PRKCE: variants seen among roughly 807,000 people sequenced by gnomAD.
PRKCE encodes protein kinase C epsilon type.
In PRKCE, 16 loss-of-function variants were observed where a neutral mutation model predicts 85.4. The observed-to-expected ratio is 0.19, with a 90% CI of 0.13 to 0.28. The LOEUF is 0.28. Ranked by LOEUF, PRKCE falls within the 10% of genes least tolerant of loss-of-function variation. PRKCE has a pLI of 1.00. For synonymous variants in PRKCE, 388 were observed against 371.5 expected, an observed-to-expected ratio of 1.04 and a Z score of -0.51; for missense variants, 573 against 975.2, an observed-to-expected ratio of 0.59 and a Z score of 5.49.
intron 1 of PRKCE, among the ~76,000 whole-genome samples, chr2:45,657,662 G>T (rs1055320572): frequency 2.6e-5 from 4 of 152,174 alleles, no homozygotes; most frequent in Non-Finnish European, 5.9e-5. Flanking sequence ...ATTTGGCAAA[G>T]AATGGGACAC....
At chr2:45,999,852 C>A (rs1207793080) in intron 6 of PRKCE, among the ~76,000 whole-genome samples, 1 of 152,086 alleles carries the variant, frequency 6.6e-6, no homozygotes, top group South Asian at 2.1e-4. Context: ...TCCTGAAGCT[C>A]AGAGATTGTT....
chr2:45,657,406 T>A (rs1296511884), intron 1 of PRKCE, among the ~76,000 whole-genome samples: 1 of 152,094 alleles, frequency 6.6e-6, no homozygotes, highest in Non-Finnish European at 1.5e-5. Context: ...TAAATATACC[T>A]CCCTATAATG....
intron 2 of PRKCE, among the ~76,000 whole-genome samples, chr2:45,849,076 C>T (rs79021606): frequency 0.034 from 5,127 of 152,246 alleles, 227 homozygotes; most frequent in East Asian, 0.14. Context: ...CTAGGAGCAT[C>T]CAAACAAAGG....
intron 1 of PRKCE, among the ~76,000 whole-genome samples, chr2:45,658,077 T>G (rs188338603): frequency 1.5e-3 from 230 of 152,312 alleles, no homozygotes; most frequent in Non-Finnish European, 1.2e-3. Flanking sequence ...CCATTGTCAT[T>G]TAAACACAGT....
intron 1 of PRKCE, among the ~76,000 whole-genome samples, chr2:45,729,624 T>G (rs1285934382): frequency 6.6e-6 from 1 of 152,220 alleles, no homozygotes; most frequent in Non-Finnish European, 1.5e-5. Flanking sequence ...ATGTGCATAC[T>G]CAGGAATACA....
intron 11 of PRKCE, among the ~76,000 whole-genome samples, chr2:46,123,732 T>C (rs916213645): frequency 6.6e-6 from 1 of 152,296 alleles, no homozygotes; most frequent in African/African-American, 2.4e-5. Flanking sequence ...GTGACCGACC[T>C]GCCTCAGCCT....
chr2:45,917,841 G>A (rs1164685793), intron 2 of PRKCE, among the ~76,000 whole-genome samples: 2 of 152,214 alleles, frequency 1.3e-5, no homozygotes, highest in Non-Finnish European at 2.9e-5. Context: ...AAGGCCCGGC[G>A]AGAAATCGAG....
chr2:46,069,566 G>A (rs777138695), intron 10 of PRKCE, among the ~76,000 whole-genome samples: 32 of 152,068 alleles, frequency 2.1e-4, no homozygotes, highest in Non-Finnish European at 4.1e-4. Flanking sequence ...CACTTATCAG[G>A]AAATTCAGGT....
intron 1 of PRKCE, among the ~76,000 whole-genome samples, chr2:45,721,494 G>T (rs1337201142): frequency 6.6e-6 from 1 of 152,186 alleles, no homozygotes; most frequent in Non-Finnish European, 1.5e-5. Context: ...TTTGGTGGAA[G>T]ACATGGGGGT....
At chr2:46,005,720 C>T (rs59427010) in intron 8 of PRKCE, among the ~76,000 whole-genome samples, 280 of 152,078 alleles carry the variant, frequency 1.8e-3, no homozygotes, top group South Asian at 1.0e-2. Flanking sequence ...GGGTCATGCA[C>T]CAGCCCTGAG....
chr2:45,916,135 C>G (rs1311133621), intron 2 of PRKCE, among the ~76,000 whole-genome samples: 1 of 151,852 alleles, frequency 6.6e-6, no homozygotes, highest in East Asian at 1.9e-4. Flanking sequence ...TCATGTTAGT[C>G]TTTTCTATCT....
At chr2:45,720,276 G>A (rs1385257635) in intron 1 of PRKCE, among the ~76,000 whole-genome samples, 2 of 152,152 alleles carry the variant, frequency 1.3e-5, no homozygotes, top group African/African-American at 4.8e-5. Context: ...GAGATAAAGT[G>A]AAGTGAGTGC....
At chr2:45,698,418 G>A (rs1444211781) in intron 1 of PRKCE, among the ~76,000 whole-genome samples, 1 of 152,128 alleles carries the variant, frequency 6.6e-6, no homozygotes, top group Non-Finnish European at 1.5e-5. Flanking sequence ...CCAGCCGGTG[G>A]GGACCTGGCT....
chr2:46,064,677 C>T (rs536807983), intron 10 of PRKCE, among the ~76,000 whole-genome samples: 3 of 152,280 alleles, frequency 2.0e-5, no homozygotes, highest in Admixed American at 6.5e-5. Context: ...GGTGACAGTA[C>T]GAACTAGGGA....
intron 10 of PRKCE, among the ~76,000 whole-genome samples, chr2:46,015,715 G>GAAAA (rs1706080548): frequency 1.8e-4 from 25 of 139,470 alleles, no homozygotes; most frequent in African/African-American, 4.8e-4. Context: ...AAAAAAAAAC[G>GAAAA]AAGTAAAAAT....
At chr2:45,717,980 C>T (rs983753017) in intron 1 of PRKCE, among the ~76,000 whole-genome samples, 1 of 152,208 alleles carries the variant, frequency 6.6e-6, no homozygotes, top group African/African-American at 2.4e-5. Flanking sequence ...CCTCAAGAAG[C>T]TGGTGGCTGG....
intron 11 of PRKCE, among the ~76,000 whole-genome samples, chr2:46,121,238 G>C (rs527849792): frequency 6.6e-6 from 1 of 152,154 alleles, no homozygotes; most frequent in Non-Finnish European, 1.5e-5. Flanking sequence ...TGGCATTCTT[G>C]GGGTTAATAA....
chr2:45,858,406 C>T (rs918239233), intron 2 of PRKCE, among the ~76,000 whole-genome samples: 11 of 151,866 alleles, frequency 7.2e-5, no homozygotes, highest in African/African-American at 1.7e-4. Context: ...AAAATACCCT[C>T]TGTGATTTGT....
At chr2:46,092,919 G>A (rs555475635) in intron 11 of PRKCE, among the ~76,000 whole-genome samples, 73 of 152,308 alleles carry the variant, frequency 4.8e-4, no homozygotes, top group Non-Finnish European at 8.7e-4. Flanking sequence ...AAGGTCTAAC[G>A]TGTAGTCTCA....
Sources: gnomAD v4.1 joint callset for allele counts (sites outside exome capture counted in the v4.1 genomes callset) on GRCh38, gnomAD v4.1.1 for gene constraint, MANE v1.5 for transcripts, NCBI Gene and HGNC (gene_info 2026-07-23, HGNC 2026-07-21) for gene names.